The following NYAP2 variants were observed in gnomAD, a reference collection of about 807,000 sequenced individuals.
NYAP2 encodes neuronal tyrosine-phosphorylated phosphoinositide-3-kinase adaptor 2, also known as neuronal tyrosine-phosphorylated phosphoinositide-3-kinase adapter 2.
A neutral mutation model predicts 50.4 loss-of-function variants in NYAP2; 23 were observed. The observed-to-expected ratio is 0.46, with a 90% CI of 0.33 to 0.65. NYAP2 has a LOEUF of 0.65. NYAP2 is among the 30% of genes least tolerant of loss of function. The probability of loss-of-function intolerance (pLI) is 0.02; values close to 1 mark genes in which losing one functional copy is unlikely to be tolerated. For synonymous variants in NYAP2, 394 were observed against 365.2 expected, an observed-to-expected ratio of 1.08 and a Z score of -0.90; for missense variants, 885 against 861.0, an observed-to-expected ratio of 1.03 and a Z score of -0.35.
chr2:225,583,402 C>A (rs1004681338), intron 5 of NYAP2, among the ~76,000 whole-genome samples: 11 of 151,982 alleles, frequency 7.2e-5, no homozygotes, highest in African/African-American at 2.4e-4. Context: ...GTCTTGGGGC[C>A]TTTGAGTTGC....
At chr2:225,458,626 G>C (rs981062298) in intron 3 of NYAP2, among the ~76,000 whole-genome samples, 1 of 152,214 alleles carries the variant, frequency 6.6e-6, no homozygotes, top group Non-Finnish European at 1.5e-5. Flanking sequence ...AGGTTCACAA[G>C]AGCAGAAGCC....
At chr2:225,675,863 C>T in the NYAP2 span, among the ~76,000 whole-genome samples, 259 of 152,194 alleles carry the variant, frequency 1.7e-3, 1 homozygote, top group Non-Finnish European at 1.6e-3. Context: ...GGTAACTCAT[C>T]ATGGTTTTGA....
intron 3 of NYAP2, among the ~76,000 whole-genome samples, chr2:225,495,823 C>A (rs536055972): frequency 6.6e-6 from 1 of 152,302 alleles, no homozygotes; most frequent in African/African-American, 2.4e-5. Flanking sequence ...AGCATATCTT[C>A]AGTAGACTGA....
At chr2:225,696,739 T>C in the NYAP2 span, among the ~76,000 whole-genome samples, 3 of 151,920 alleles carry the variant, frequency 2.0e-5, no homozygotes, top group African/African-American at 7.2e-5. Context: ...AGAGGCAGCA[T>C]AGTGTAGTTG....
chr2:225,607,207 G>A (rs1450236461), intron 5 of NYAP2, among the ~76,000 whole-genome samples: 1 of 152,022 alleles, frequency 6.6e-6, no homozygotes, highest in Admixed American at 6.6e-5. Flanking sequence ...TTTCAGAGAT[G>A]GTATGGCCTA....
intron 3 of NYAP2, among the ~76,000 whole-genome samples, chr2:225,451,179 A>C (rs1036356166): frequency 2.0e-5 from 3 of 152,164 alleles, no homozygotes; most frequent in Admixed American, 6.6e-5. Flanking sequence ...GGTGAACAAA[A>C]TGAGGAAAAC....
the NYAP2 span, among the ~76,000 whole-genome samples, chr2:225,668,436 G>T: frequency 1.3e-5 from 2 of 152,212 alleles, no homozygotes; most frequent in Middle Eastern, 6.8e-3. Flanking sequence ...AGGCCATGGG[G>T]GCTGCCTCAG....
intron 3 of NYAP2, among the ~76,000 whole-genome samples, chr2:225,509,919 G>A (rs1442127807): frequency 6.6e-6 from 1 of 152,174 alleles, no homozygotes; most frequent in East Asian, 1.9e-4. Context: ...TTTATTGGAG[G>A]AGAATAAGTC....
the NYAP2 span, among the ~76,000 whole-genome samples, chr2:225,660,246 A>G: frequency 6.6e-6 from 1 of 152,130 alleles, no homozygotes; most frequent in Non-Finnish European, 1.5e-5. Flanking sequence ...TGTAGGTCTC[A>G]TATGTGGGTT....
At chr2:225,649,788 C>T (rs1693698188) in intron 6 of NYAP2, among the ~76,000 whole-genome samples, 1 of 152,188 alleles carries the variant, frequency 6.6e-6, no homozygotes, top group African/African-American at 2.4e-5. Flanking sequence ...GCATAAAATA[C>T]ATAGATGCCG....
chr2:225,537,294 C>T (rs76255947), intron 4 of NYAP2, among the ~76,000 whole-genome samples: 115 of 152,254 alleles, frequency 7.6e-4, no homozygotes, highest in Non-Finnish European at 4.4e-4. Context: ...TATATTGTCA[C>T]AAATGTCGGT....
upstream of NYAP2, among the ~76,000 whole-genome samples, chr2:225,399,225 C>T (rs1559169702): frequency 6.6e-6 from 1 of 151,958 alleles, no homozygotes; most frequent in Non-Finnish European, 1.5e-5. Flanking sequence ...CCATCAGAAA[C>T]ATATTATATA....
At chr2:225,659,804 T>C in the NYAP2 span, among the ~76,000 whole-genome samples, 1 of 152,202 alleles carries the variant, frequency 6.6e-6, no homozygotes, top group Admixed American at 6.5e-5. Flanking sequence ...CAGACATTAC[T>C]TGTGGGAAAA....
At chr2:225,487,446 G>A (rs529526330) in intron 3 of NYAP2, among the ~76,000 whole-genome samples, 2 of 151,744 alleles carry the variant, frequency 1.3e-5, no homozygotes, top group African/African-American at 2.4e-5. Context: ...TGCAACTTCC[G>A]CCTCCTGGGT....
At chr2:225,428,468 T>C (rs1167490662) in intron 3 of NYAP2, among the ~76,000 whole-genome samples, 1 of 152,230 alleles carries the variant, frequency 6.6e-6, no homozygotes, top group Non-Finnish European at 1.5e-5. Flanking sequence ...TGGGCATTTG[T>C]ACCATAAGGC....
intron 5 of NYAP2, among the ~76,000 whole-genome samples, chr2:225,605,529 G>A (rs187374112): frequency 1.7e-3 from 258 of 152,166 alleles, no homozygotes; most frequent in African/African-American, 5.9e-3. Flanking sequence ...AGCTGAAGTA[G>A]CTAAGTAAAA....
chr2:225,423,980 A>G (rs1295689954), intron 3 of NYAP2, among the ~76,000 whole-genome samples: 1 of 152,156 alleles, frequency 6.6e-6, no homozygotes, highest in African/African-American at 2.4e-5. Flanking sequence ...AGATGCAGAG[A>G]TACTTTATTT....
chr2:225,613,254 G>A (rs1240810180), intron 5 of NYAP2, among the ~76,000 whole-genome samples: 1 of 152,092 alleles, frequency 6.6e-6, no homozygotes, highest in Non-Finnish European at 1.5e-5. Flanking sequence ...AGAGTCCAAA[G>A]GCCGAAGAAC....
intron 3 of NYAP2, among the ~76,000 whole-genome samples, chr2:225,472,370 G>T (rs527262455): frequency 1.3e-5 from 2 of 152,312 alleles, no homozygotes; most frequent in South Asian, 4.1e-4. Flanking sequence ...CAGGGAAAAG[G>T]CAGGACAAGA....
Sources: allele counts gnomAD v4.1 joint callset (sites outside exome capture counted in the v4.1 genomes callset), GRCh38; gene constraint gnomAD v4.1.1; transcripts MANE v1.5; gene names NCBI Gene and HGNC (gene_info 2026-07-23, HGNC 2026-07-21).